The following VPS13A variants were observed in gnomAD, a reference collection of about 807,000 sequenced individuals.
VPS13A encodes vacuolar protein sorting 13 homolog A.
VPS13A carries 264 observed loss-of-function variants against 390.9 expected under a neutral mutation model. The observed-to-expected ratio is 0.68, with a 90% CI of 0.61 to 0.75. The LOEUF is 0.75. Among genes scored for constraint, VPS13A ranks in the 30% least tolerant of loss-of-function variants. The probability of loss-of-function intolerance (pLI) is 0.00; values close to 1 mark genes in which losing one functional copy is unlikely to be tolerated. For missense variants in VPS13A, 3,409 were observed against 3,733.9 expected, an observed-to-expected ratio of 0.91 and a Z score of 2.27; for synonymous variants, 1,231 against 1,227.1, an observed-to-expected ratio of 1.00 and a Z score of -0.07.
At chr9:77,211,582 A>G (rs1180042553) in intron 7 of VPS13A, 1 of 152,202 alleles carries the variant, frequency 6.6e-6, no homozygotes, top group East Asian at 1.9e-4. Context: ...GAGACTCCAC[A>G]GTTTCTTTTT....
intron 41 of VPS13A, among the ~76,000 whole-genome samples, chr9:77,319,250 AG>A (rs1829599326): frequency 6.7e-6 from 1 of 149,868 alleles, no homozygotes; most frequent in South Asian, 2.1e-4. Flanking sequence ...TTTTTTTTTA[AG>A]GATATAGACA....
chr9:77,395,438 T>C (rs994527560), intron 68 of VPS13A, among the ~76,000 whole-genome samples: 1 of 152,130 alleles, frequency 6.6e-6, no homozygotes, highest in Admixed American at 6.6e-5. Flanking sequence ...AGATCAGTGA[T>C]CACAGATCAC....
intron 71 of VPS13A, among the ~76,000 whole-genome samples, chr9:77,409,762 A>G (rs935985672): frequency 6.6e-6 from 1 of 151,176 alleles, no homozygotes; most frequent in African/African-American, 2.4e-5. Context: ...AAGAATAGAA[A>G]TCAACAAAGC....
At chr9:77,378,440 A>G (rs1399276987) in intron 67 of VPS13A, among the ~76,000 whole-genome samples, 1 of 152,152 alleles carries the variant, frequency 6.6e-6, no homozygotes, top group Admixed American at 6.5e-5. Context: ...TTTATTGATC[A>G]TAGTAAATAT....
At chr9:77,319,960 C>G (rs1460877353) in intron 42 of VPS13A, among the ~76,000 whole-genome samples, 1 of 152,010 alleles carries the variant, frequency 6.6e-6, no homozygotes, top group African/African-American at 2.4e-5. Flanking sequence ...TGAGCCTTGC[C>G]CACATGCTTC....
chr9:77,197,061 T>C (rs1168453062), intron 1 of VPS13A, among the ~76,000 whole-genome samples: 1 of 152,178 alleles, frequency 6.6e-6, no homozygotes, highest in Non-Finnish European at 1.5e-5. Flanking sequence ...TATCTTCTTG[T>C]GGTTTTGATT....
chr9:77,187,109 A>C (rs1824385963), intron 1 of VPS13A, among the ~76,000 whole-genome samples: 1 of 152,136 alleles, frequency 6.6e-6, no homozygotes, highest in Non-Finnish European at 1.5e-5. Flanking sequence ...TATATACTGC[A>C]TTTTGTTTCT....
chr9:77,336,381 A>T (rs1830537568), intron 46 of VPS13A, among the ~76,000 whole-genome samples: 3 of 152,188 alleles, frequency 2.0e-5, no homozygotes, highest in Admixed American at 6.6e-5. Flanking sequence ...GCAGAAAAAA[A>T]AATAATAAAG....
At chr9:77,302,826 G>T in intron 33 of VPS13A, 89 bp from the exon 34 acceptor site, 1 of 1,329,414 alleles carries the variant, frequency 7.5e-7, no homozygotes, top group Non-Finnish European at 1.1e-6. Context: ...TCTGCTATTT[G>T]CATATAAAAG....
chr9:77,303,089 T>G, intron 34 of VPS13A, 27 bp downstream of exon 34: 1 of 1,613,556 alleles, frequency 6.2e-7, no homozygotes, highest in Non-Finnish European at 8.5e-7. Flanking sequence ...ACTTATCAAT[T>G]TTTGTTTTGC....
At chr9:77,351,172 A>G (rs1249978690) in intron 52 of VPS13A, 145 bp from the exon 53 acceptor site, 2 of 1,022,558 alleles carry the variant, frequency 2.0e-6, no homozygotes, top group African/African-American at 3.3e-5. Flanking sequence ...TTTTAATTGT[A>G]TAAGGTAAGA....
At chr9:77,265,200 G>C (rs752544889) in intron 23 of VPS13A, among the ~76,000 whole-genome samples, 8 of 152,226 alleles carry the variant, frequency 5.3e-5, no homozygotes, top group African/African-American at 9.6e-5. Context: ...TGGTTTGCCA[G>C]TAGTTTATTG....
intron 54 of VPS13A, among the ~76,000 whole-genome samples, chr9:77,353,915 A>G (rs922361558): frequency 2.0e-5 from 3 of 152,124 alleles, no homozygotes; most frequent in Non-Finnish European, 4.4e-5. Context: ...TATGTTTTGC[A>G]TATCATACAA....
chr9:77,327,449 TA>T (rs1248192017), intron 45 of VPS13A, among the ~76,000 whole-genome samples: 1 of 152,158 alleles, frequency 6.6e-6, no homozygotes, highest in Non-Finnish European at 1.5e-5. Flanking sequence ...TTTCTAGAAT[TA>T]AAAATATAGT....
intron 6 of VPS13A, among the ~76,000 whole-genome samples, chr9:77,210,109 A>G (rs1825883011): frequency 6.6e-6 from 1 of 151,918 alleles, no homozygotes; most frequent in Non-Finnish European, 1.5e-5. Context: ...AATGTTTGAA[A>G]TAAGTTACTT....
intron 46 of VPS13A, among the ~76,000 whole-genome samples, chr9:77,333,426 ATT>A (rs34369162): frequency 0.22 from 23,377 of 106,578 alleles, 1,617 homozygotes; most frequent in African/African-American, 0.29. Flanking sequence ...CTCATTAGGC[ATT>A]TTTTTTTTTT....
intron 52 of VPS13A, among the ~76,000 whole-genome samples, chr9:77,349,283 C>T (rs1197231079): frequency 6.6e-6 from 1 of 152,020 alleles, no homozygotes; most frequent in Admixed American, 6.6e-5. Flanking sequence ...CAATTTGCTT[C>T]AAAGCACAAT....
chr9:77,217,557 G>T (rs1413350739), intron 10 of VPS13A, among the ~76,000 whole-genome samples: 5 of 152,154 alleles, frequency 3.3e-5, no homozygotes, highest in Non-Finnish European at 5.9e-5. Context: ...GTGAGAACAT[G>T]CAGTATTTGT....
intron 33 of VPS13A, among the ~76,000 whole-genome samples, chr9:77,300,119 TA>T (rs1260399452): frequency 9.2e-5 from 14 of 152,332 alleles, no homozygotes; most frequent in African/African-American, 3.4e-4. Context: ...TTTTGTGCTG[TA>T]AATAGCTTTT....
Sources: allele counts gnomAD v4.1 joint callset (sites outside exome capture counted in the v4.1 genomes callset), GRCh38; gene constraint gnomAD v4.1.1; transcripts MANE v1.5; gene names NCBI Gene and HGNC (gene_info 2026-07-23, HGNC 2026-07-21).